The following SAMD12 variants were observed in gnomAD, a reference collection of about 807,000 sequenced individuals.
SAMD12 encodes the protein sterile alpha motif domain-containing protein 12.
In SAMD12, 9 loss-of-function variants were observed where a neutral mutation model predicts 15.0. The observed-to-expected ratio is 0.60, with a 90% CI of 0.36 to 1.05. The LOEUF (loss-of-function observed/expected upper bound fraction) is 1.05, where lower values mean the gene tolerates loss of function less well. Ranked by LOEUF, SAMD12 falls within the 50% of genes least tolerant of loss-of-function variation. The probability of loss-of-function intolerance (pLI) is 0.01; values close to 1 mark genes in which losing one functional copy is unlikely to be tolerated. For synonymous variants in SAMD12, 86 were observed against 90.1 expected (o/e 0.96, Z 0.25); for missense variants, 230 against 234.2 (o/e 0.98, Z 0.12).
chr8:118,432,096 A>G (rs1008416670), intron 3 of SAMD12, among the ~76,000 whole-genome samples: 2 of 151,820 alleles, frequency 1.3e-5, no homozygotes, highest in African/African-American at 4.8e-5. Flanking sequence ...TTTTCTTTTG[A>G]TTGTTTATTA....
chr8:118,345,586 C>T (rs1817594184), intron 4 of SAMD12, among the ~76,000 whole-genome samples: 1 of 152,160 alleles, frequency 6.6e-6, no homozygotes, highest in South Asian at 2.1e-4. Context: ...TAAATGAAGG[C>T]ATGATGCAGC....
intron 4 of SAMD12, among the ~76,000 whole-genome samples, chr8:118,305,950 C>T (rs1159606550): frequency 6.6e-6 from 1 of 152,114 alleles, no homozygotes; most frequent in Non-Finnish European, 1.5e-5. Context: ...TTGGCAGTGG[C>T]TGCATCTCCT....
chr8:118,284,326 C>G (rs1453012395), intron 4 of SAMD12: 3 of 456,244 alleles, frequency 6.6e-6, no homozygotes, highest in South Asian at 4.6e-5. Context: ...TCATAACTTC[C>G]CTTCTAACAA....
chr8:118,577,531 T>C (rs915543671), intron 2 of SAMD12, among the ~76,000 whole-genome samples: 5 of 152,108 alleles, frequency 3.3e-5, no homozygotes, highest in Admixed American at 3.3e-4. Context: ...AAGACCAACA[T>C]GGCAGGGCTC....
At chr8:118,609,459 T>A (rs1368657371) in intron 1 of SAMD12, among the ~76,000 whole-genome samples, 1 of 151,964 alleles carries the variant, frequency 6.6e-6, no homozygotes, top group Non-Finnish European at 1.5e-5. Context: ...GGGGAAGGAG[T>A]GGGACATCAG....
At chr8:118,312,651 A>AGT (rs1815688115) in intron 4 of SAMD12, among the ~76,000 whole-genome samples, 1 of 152,212 alleles carries the variant, frequency 6.6e-6, no homozygotes, top group Non-Finnish European at 1.5e-5. Flanking sequence ...CCACTTGTAG[A>AGT]GTGAATATCC....
chr8:118,214,090 T>C (rs1295200062), intron 4 of SAMD12, among the ~76,000 whole-genome samples: 1 of 152,184 alleles, frequency 6.6e-6, no homozygotes, highest in Non-Finnish European at 1.5e-5. Flanking sequence ...GATTATCTGT[T>C]GGTGGTCCCA....
chr8:118,497,514 G>A (rs572789412), intron 2 of SAMD12, among the ~76,000 whole-genome samples: 7 of 152,134 alleles, frequency 4.6e-5, no homozygotes, highest in Non-Finnish European at 5.9e-5. Flanking sequence ...GGAGCTAAAC[G>A]TTGAGTACAC....
At chr8:118,334,991 G>A (rs543626036) in intron 4 of SAMD12, among the ~76,000 whole-genome samples, 12 of 152,268 alleles carry the variant, frequency 7.9e-5, no homozygotes, top group African/African-American at 2.4e-4. Flanking sequence ...TCCCAAACAC[G>A]TGGTGTGAGA....
chr8:118,258,064 A>T lies in SAMD12; in HGVS notation c.434-60332T>A, dbSNP rs79085829. The stretch of plus-strand genomic sequence containing the variant: ...ACCAGAGATTCTATCCACCGGTGTC[A>T]GGCAGATGCTGAGAGTCTTGACCTT... On this transcript the variant is annotated intron_variant, in intron 4 of 4. Coordinates refer to the SAMD12 transcript ENST00000409003. Among the ~76,000 whole-genome samples, 1,315 of 152,248 alleles carry T rather than the reference A, an allele frequency of 8.6e-3. 30 individuals are homozygous for T. Among genetic ancestry groups the T allele is most frequent in the African/African-American group, 0.031 (1,268 of 41,564 alleles).
rs984390477 is a variant in SAMD12 at position 118,553,998 on chromosome 8, A to T, written c.192+26717T>A. On this transcript the variant is annotated intron_variant, in intron 2 of 3. Transcript: ENST00000314727. ...CCACAGTGAGATATCATCTCACACC[A>T]GTTAGAATGGCAATCATTAAAAAGT... Among the ~76,000 whole-genome samples the T allele has an allele frequency of 2.0e-5, 3 of 152,300 alleles. No individual in the cohort carries two copies. In the South Asian group the frequency reaches 6.2e-4, roughly 32 times the overall value.
At chr8:118,408,909 G>T (rs1477603327) in intron 3 of SAMD12, among the ~76,000 whole-genome samples, 1 of 151,946 alleles carries the variant, frequency 6.6e-6, no homozygotes, top group Non-Finnish European at 1.5e-5. Context: ...AATTAATTTT[G>T]TTTGTTTGAG....
chr8:118,597,510 A>C (rs949867228), intron 1 of SAMD12, among the ~76,000 whole-genome samples: 23 of 152,352 alleles, frequency 1.5e-4, no homozygotes, highest in African/African-American at 5.5e-4. Context: ...GGATGAGAGA[A>C]AAGCATCCCA....
intron 2 of SAMD12, among the ~76,000 whole-genome samples, chr8:118,443,010 C>A (rs2130896319): frequency 6.6e-6 from 1 of 152,274 alleles, no homozygotes; most frequent in East Asian, 1.9e-4. Flanking sequence ...TCCTCACCAG[C>A]CCACCATGTA....
At chr8:118,392,158 G>C (rs6984129) in intron 3 of SAMD12, among the ~76,000 whole-genome samples, 37,951 of 152,204 alleles carry the variant, frequency 0.25, 5,521 homozygotes, top group African/African-American at 0.38. Context: ...GCTGGGCGCA[G>C]TGGCTCACGC....
chr8:118,257,511 T>A (rs1812974989), intron 4 of SAMD12, among the ~76,000 whole-genome samples: 1 of 152,120 alleles, frequency 6.6e-6, no homozygotes, highest in Non-Finnish European at 1.5e-5. Context: ...TGTCTTGATT[T>A]CTCTTCAACA....
chr8:118,508,189 G>A (rs1824976306), intron 2 of SAMD12, among the ~76,000 whole-genome samples: 1 of 147,752 alleles, frequency 6.8e-6, no homozygotes, highest in African/African-American at 2.5e-5. Context: ...ATTGAACGAT[G>A]AGAACACTTG....
intron 2 of SAMD12, among the ~76,000 whole-genome samples, chr8:118,454,698 C>T (rs1453347351): frequency 2.6e-5 from 4 of 152,178 alleles, no homozygotes; most frequent in Non-Finnish European, 4.4e-5. Flanking sequence ...GTATTAAGTA[C>T]ACACTGTTGT....
At chr8:118,235,931 T>A (rs777761427) in intron 4 of SAMD12, among the ~76,000 whole-genome samples, 10 of 152,274 alleles carry the variant, frequency 6.6e-5, no homozygotes, top group Non-Finnish European at 1.3e-4. Context: ...TTTGCAAACG[T>A]TTGATCCTGG....
Sources: allele counts gnomAD v4.1 joint callset (sites outside exome capture counted in the v4.1 genomes callset), GRCh38; gene constraint gnomAD v4.1.1; transcripts MANE v1.5; gene names NCBI Gene and HGNC (gene_info 2026-07-23, HGNC 2026-07-21).